Variants in GNPTAB observed in about 807,000 individuals in gnomAD.
The protein encoded by GNPTAB is N-acetylglucosamine-1-phosphate transferase subunits alpha and beta.
In GNPTAB, 92 loss-of-function variants were observed where a neutral mutation model predicts 136.6. The ratio of observed to expected loss-of-function variants is 0.67; its 90% CI spans 0.57 to 0.80. The LOEUF (loss-of-function observed/expected upper bound fraction) is 0.80. Among genes scored for constraint, GNPTAB ranks in the 30% least tolerant of loss-of-function variants. The pLI, the probability that GNPTAB is intolerant of heterozygous loss-of-function variation, is 0.00. For missense variants in GNPTAB, 1,343 were observed against 1,501.8 expected (o/e 0.89, Z 1.75); for synonymous variants, 512 against 535.1 (o/e 0.96, Z 0.60).
chr12:101,807,548 G>C (rs1490418510), intron 1 of GNPTAB, among the ~76,000 whole-genome samples: 1 of 152,034 alleles, frequency 6.6e-6, no homozygotes, highest in Non-Finnish European at 1.5e-5. Context: ...CCGATGACAT[G>C]ACTGTCTATG....
At chr12:101,790,155 A>C in intron 2 of GNPTAB, 98 bp from the exon 3 acceptor site, 1 of 1,538,084 alleles carries the variant, frequency 6.5e-7, no homozygotes, top group Admixed American at 1.7e-5. Context: ...TTATGAAAAA[A>C]ATCTCTGAAG....
At chr12:101,767,419 C>T (rs1245939484) in intron 11 of GNPTAB, among the ~76,000 whole-genome samples, 1 of 152,210 alleles carries the variant, frequency 6.6e-6, no homozygotes, top group Admixed American at 6.5e-5. Flanking sequence ...TCACAATCTG[C>T]TGCTGAAAGC....
intron 7 of GNPTAB, among the ~76,000 whole-genome samples, chr12:101,777,829 T>C (rs547224913): frequency 7.2e-5 from 11 of 152,216 alleles, no homozygotes; most frequent in Non-Finnish European, 1.6e-4. Context: ...GTTCTTCCTC[T>C]TTCTCATTTT....
At chr12:101,803,733 G>T (rs1787763445) in intron 1 of GNPTAB, among the ~76,000 whole-genome samples, 1 of 152,196 alleles carries the variant, frequency 6.6e-6, no homozygotes, top group Non-Finnish European at 1.5e-5. Flanking sequence ...ACATTTATTT[G>T]CATGAAATGA....
chr12:101,749,045 A>G lies in GNPTAB; in HGVS notation c.3693+56T>C, dbSNP rs556456921. 240 of 967,566 alleles carry G rather than the reference A, an allele frequency of 2.5e-4. 2 individuals carry two copies. The South Asian group carries it at 2.9e-3, about 12-fold the overall frequency. The allele number at this position is 967,566 out of a possible 1,614,324, so 59.9% of individuals were successfully genotyped here. On this transcript the variant is annotated intron_variant, in intron 20 of 20. Coordinates refer to ENST00000299314, the MANE Select transcript of GNPTAB (RefSeq NM_024312.5). Reference sequence around the variant, plus strand: ...GTGTATCATTTTCTAAAACATTCAGATGCTAGTATACCAAGAAATACCATT... The same window carrying G: ...GTGTATCATTTTCTAAAACATTCAGGTGCTAGTATACCAAGAAATACCATT...
At chr12:101,807,945 A>G (rs1450598171) in intron 1 of GNPTAB, among the ~76,000 whole-genome samples, 1 of 152,216 alleles carries the variant, frequency 6.6e-6, no homozygotes, top group Non-Finnish European at 1.5e-5. Flanking sequence ...GCTCTCCTAT[A>G]TAACAACAAT....
chr12:101,797,772 C>T (rs1292207414), intron 1 of GNPTAB, among the ~76,000 whole-genome samples: 3 of 152,038 alleles, frequency 2.0e-5, no homozygotes, highest in Non-Finnish European at 2.9e-5. Context: ...ATGTTTGCAC[C>T]CTAAATCTAT....
At chr12:101,823,690 T>C (rs1391736167) in intron 1 of GNPTAB, among the ~76,000 whole-genome samples, 1 of 151,906 alleles carries the variant, frequency 6.6e-6, no homozygotes, top group Non-Finnish European at 1.5e-5. Context: ...GAACAATATT[T>C]AGATCTCAAG....
In GNPTAB at chr12:101,829,249, C is replaced by A. The variant is rs138937090; in HGVS notation, c.117+1310G>T. On this transcript the variant is annotated intron_variant, in intron 1 of 20. Transcript: ENST00000299314. ...CCTGTAATCCCAACACTTTGGGAGG[C>A]CAAGGCAGGCAGATCACTTGAGGTC... is the stretch of plus-strand genomic sequence containing the variant. Among the ~76,000 whole-genome samples, 274 of 152,274 alleles carry A rather than the reference C, an allele frequency of 1.8e-3. 2 individuals carry two copies. Among genetic ancestry groups the A allele is most frequent in the African/African-American group, 5.5e-3 (228 of 41,566 alleles).
intron 1 of GNPTAB, among the ~76,000 whole-genome samples, chr12:101,806,603 A>T (rs1424925977): frequency 6.6e-6 from 1 of 152,202 alleles, no homozygotes; most frequent in Non-Finnish European, 1.5e-5. Flanking sequence ...AAGAAAAGTA[A>T]ATCACTACAA....
At chr12:101,769,555 T>C (rs1953140319) in intron 10 of GNPTAB, among the ~76,000 whole-genome samples, 1 of 152,196 alleles carries the variant, frequency 6.6e-6, no homozygotes, top group Admixed American at 6.5e-5. Flanking sequence ...ATTTCTGAGC[T>C]TAGCACTCAA....
intron 20 of GNPTAB, among the ~76,000 whole-genome samples, chr12:101,748,215 C>CT (rs1952764891): frequency 2.0e-5 from 3 of 152,228 alleles, no homozygotes. Context: ...TGCCCAGTCT[C>CT]TGTTTCCTGA....
rs73392498 is a variant in GNPTAB at position 101,787,363 on chromosome 12, G to C, written c.366-1146C>G. Among the ~76,000 whole-genome samples, 512 of 151,102 alleles carry C rather than the reference G, an allele frequency of 3.4e-3. 5 individuals carry two copies. Among genetic ancestry groups the C allele is most frequent in the African/African-American group, 0.011 (470 of 41,496 alleles). On this transcript the variant is annotated intron_variant, in intron 4 of 20. Coordinates refer to ENST00000299314, the MANE Select transcript of GNPTAB (RefSeq NM_024312.5). ...TGATACATACATATAATTACATAAA[G>C]TTTAAAAAGGATACAAAACTGCCCA...
rs1444875702 is a variant in GNPTAB, at chr12:101,830,957, T to TGCG, written c.-283_-282insCGC. The stretch of plus-strand genomic sequence containing the variant: ...CGGGTCTGGCCGGGCGAGAGGCGGC[T>TGCG]GCGGCGGCGGCGGGGTCTCCAGCGC... On this transcript the variant is annotated 5_prime_UTR_variant, in exon 1 of 21. Coordinates refer to ENST00000299314, the MANE Select transcript of GNPTAB (RefSeq NM_024312.5). 6 of 149,542 alleles carry TGCG rather than the reference T, an allele frequency of 4.0e-5. No individual in the cohort carries two copies. Among genetic ancestry groups the TGCG allele is most frequent in the Non-Finnish European group, 6.0e-5 (4 of 67,084 alleles). The allele number at this position is 149,542 out of a possible 1,614,324, so 9.3% of individuals were successfully genotyped here.
At chr12:101,780,124 C>T (rs1479354740) in intron 7 of GNPTAB, 28 bp downstream of exon 7, 3 of 1,604,772 alleles carry the variant, frequency 1.9e-6, no homozygotes, top group Admixed American at 1.7e-5. Context: ...ATGTGCCAGG[C>T]TAATTGCTCT....
chr12:101,760,059 T>G lies in GNPTAB; in HGVS notation c.3220A>C (p.Thr1074Pro). The change falls in exon 16 of 21, where the codon ACT becomes CCT. Residue 1074 changes from threonine (T) to proline (P), a missense_variant. By Grantham distance (38) the Thr-to-Pro change is conservative (BLOSUM62 -1). Transcript: ENST00000299314. Reference protein sequence around the residue: ...DITQLNNIPPTQESYYDPNLP... With the variant: ...DITQLNNIPPPQESYYDPNLP... ...TTGGGATCATAGTAGGATTCCTGAG[T>G]TGGTGGAATATTATTTAGCTGCGTG... 2 of 1,612,110 alleles carry G rather than the reference T, an allele frequency of 1.2e-6. No homozygotes were observed. The highest frequency in any genetic ancestry group is 2.2e-5 in the South Asian group (2 of 91,030).
intron 9 of GNPTAB, 81 bp downstream of exon 9, chr12:101,770,325 T>C (rs1406676976): frequency 7.3e-7 from 1 of 1,376,308 alleles, no homozygotes; most frequent in Non-Finnish European, 1.0e-6. Flanking sequence ...GTAAAGGGAA[T>C]GAAATTATGG....
intron 1 of GNPTAB, among the ~76,000 whole-genome samples, chr12:101,824,442 T>A (rs1279298170): frequency 1.0e-5 from 1 of 99,226 alleles, no homozygotes; most frequent in African/African-American, 3.7e-5. Flanking sequence ...ATTTTCTTTT[T>A]TTTTTTTTTT....
intron 12 of GNPTAB, chr12:101,765,802 C>A (rs773895790): frequency 3.9e-5 from 16 of 411,876 alleles, no homozygotes; most frequent in Non-Finnish European, 5.9e-5. Context: ...TTATTGATAT[C>A]CTTTTTTGTT....
Sources: allele counts gnomAD v4.1 joint callset (sites outside exome capture counted in the v4.1 genomes callset), GRCh38; gene constraint gnomAD v4.1.1; transcripts MANE v1.5; gene names NCBI Gene and HGNC (gene_info 2026-07-23, HGNC 2026-07-21).